The following ATP6V0E1 variants were observed in gnomAD, a reference collection of about 807,000 sequenced individuals.
ATP6V0E1 encodes ATPase H+ transporting V0 subunit e1.
A neutral mutation model predicts 11.6 loss-of-function variants in ATP6V0E1; 4 were observed. The observed-to-expected ratio is 0.35, with a 90% CI of 0.17 to 0.79. The LOEUF (loss-of-function observed/expected upper bound fraction) is 0.79. Ranked by LOEUF, ATP6V0E1 falls within the 30% of genes least tolerant of loss-of-function variation. The pLI is 0.54. For missense variants in ATP6V0E1, 105 were observed against 100.0 expected, an observed-to-expected ratio of 1.05 and a Z score of -0.21; for synonymous variants, 36 against 34.8, an observed-to-expected ratio of 1.04 and a Z score of -0.13.
At chr5:172,997,002 ATAAAC>A (rs1756077021) in intron 2 of ATP6V0E1, among the ~76,000 whole-genome samples, 1 of 152,008 alleles carries the variant, frequency 6.6e-6, no homozygotes, top group African/African-American at 2.4e-5. Flanking sequence ...TCTATTTCAA[ATAAAC>A]TAACAGTTCA....
Position 173,019,275 on chromosome 5 carries a change from G to T in ATP6V0E1, c.153-963G>T, listed in dbSNP as rs116485282. On this transcript the variant is annotated intron_variant, in intron 2 of 3. Transcript: ENST00000519374. ...TTTTTCACTTTTAACCCTGAAGTCG[G>T]CTGGGCGAGGTGGCTCACGTCTGTA... Among the ~76,000 whole-genome samples, 775 of 152,260 alleles carry T rather than the reference G, an allele frequency of 5.1e-3. 5 individuals are homozygous for T. The highest frequency in any genetic ancestry group is 0.017 in the African/African-American group (724 of 41,550).
In ATP6V0E1 at chr5:172,993,119, G is replaced by A. The variant is rs138802337; in HGVS notation, c.105-1656G>A. Among the ~76,000 whole-genome samples, 1,497 of 152,262 alleles carry A rather than the reference G, an allele frequency of 9.8e-3. 17 individuals are homozygous for A. Among genetic ancestry groups the A allele is most frequent in the South Asian group, 0.04 (193 of 4,828 alleles). On this transcript the variant is annotated intron_variant, in intron 1 of 3. Coordinates refer to ENST00000519374, the MANE Select transcript of ATP6V0E1 (RefSeq NM_003945.4). ...GGCCACAAGGCAGTGGTTTTTATCT[G>A]TTTTGTTTCCTGTTCTCTCCTCAGA...
chr5:173,012,543 G>A (rs908814829), intron 2 of ATP6V0E1, among the ~76,000 whole-genome samples: 1 of 150,870 alleles, frequency 6.6e-6, no homozygotes, highest in Non-Finnish European at 1.5e-5. Flanking sequence ...ACCTGAGGTC[G>A]GGATTTTGAG....
intron 2 of ATP6V0E1, among the ~76,000 whole-genome samples, chr5:173,001,952 A>T (rs1387083993): frequency 2.0e-5 from 3 of 152,180 alleles, no homozygotes; most frequent in Non-Finnish European, 4.4e-5. Context: ...TCCTGCCCTC[A>T]GGTGATCCAC....
chr5:173,022,677 C>T (rs1756503603), intron 3 of ATP6V0E1, among the ~76,000 whole-genome samples: 1 of 151,834 alleles, frequency 6.6e-6, no homozygotes, highest in African/African-American at 2.4e-5. Context: ...CTCTGTCACC[C>T]AGCTGGAATG....
chr5:173,030,475 C>G (rs561491014), intron 3 of ATP6V0E1, among the ~76,000 whole-genome samples: 1 of 143,602 alleles, frequency 7.0e-6, no homozygotes, highest in Non-Finnish European at 1.5e-5. Flanking sequence ...GAGTCTCACT[C>G]TGTTGCCCAG....
At chr5:173,008,826 G>C (rs1051916058) in intron 2 of ATP6V0E1, among the ~76,000 whole-genome samples, 4 of 149,076 alleles carry the variant, frequency 2.7e-5, no homozygotes, top group Admixed American at 1.3e-4. Context: ...CAGGAGAATG[G>C]CATGAACCCG....
At chr5:173,017,427 G>A (rs1756417167) in intron 2 of ATP6V0E1, among the ~76,000 whole-genome samples, 1 of 151,690 alleles carries the variant, frequency 6.6e-6, no homozygotes, top group African/African-American at 2.4e-5. Flanking sequence ...CCAACTACTC[G>A]GGAGGCTGAG....
intron 2 of ATP6V0E1, among the ~76,000 whole-genome samples, chr5:172,996,957 T>TC (rs1756076416): frequency 1.3e-5 from 2 of 151,416 alleles, no homozygotes; most frequent in African/African-American, 2.4e-5. Flanking sequence ...TTTTTCTTTT[T>TC]TTTTTTTTCA....
intron 3 of ATP6V0E1, among the ~76,000 whole-genome samples, chr5:173,028,250 C>T (rs1470649536): frequency 8.5e-5 from 13 of 152,194 alleles, no homozygotes; most frequent in Non-Finnish European, 1.9e-4. Flanking sequence ...TTGGAGTTAA[C>T]ACATCAAGAG....
At position 173,009,140 on chromosome 5, in the gene ATP6V0E1, C is replaced by T. The variant is rs541105320; in HGVS notation, c.153-11098C>T. Among the ~76,000 whole-genome samples, 27 of 151,898 alleles carry T rather than the reference C, an allele frequency of 1.8e-4. No individual in the cohort carries two copies. The South Asian group carries it at 3.7e-3, about 21-fold the overall frequency. On this transcript the variant is annotated intron_variant, in intron 2 of 3. Coordinates refer to ENST00000519374, the MANE Select transcript of ATP6V0E1 (RefSeq NM_003945.4). ...ACTCGGGAGGCTGAGGCACAAGGATCGCTTGAACCAGGAAAGCAGAGGTTA... is the reference window on the plus strand; with the variant it reads ...ACTCGGGAGGCTGAGGCACAAGGATTGCTTGAACCAGGAAAGCAGAGGTTA...
At chr5:173,008,072 C>CCGGCCTA (rs1393561879) in intron 2 of ATP6V0E1, among the ~76,000 whole-genome samples, 6 of 152,184 alleles carry the variant, frequency 3.9e-5, no homozygotes, top group African/African-American at 1.4e-4. Context: ...TCCGCGACCT[C>CCGGCCTA]CGGCCTACGC....
intron 3 of ATP6V0E1, among the ~76,000 whole-genome samples, chr5:173,029,169 G>C (rs3812014): frequency 1.3e-5 from 2 of 152,324 alleles, no homozygotes; most frequent in East Asian, 3.9e-4. Flanking sequence ...TGAAGTAGGG[G>C]AAGACTGGGC....
chr5:173,021,490 A>G (rs529605083), intron 3 of ATP6V0E1, among the ~76,000 whole-genome samples: 1 of 152,200 alleles, frequency 6.6e-6, no homozygotes, highest in Non-Finnish European at 1.5e-5. Context: ...CCATGAGAAC[A>G]GTATGGGGGA....
At chr5:172,990,334 T>G (rs1009908777) in intron 1 of ATP6V0E1, among the ~76,000 whole-genome samples, 2 of 152,144 alleles carry the variant, frequency 1.3e-5, no homozygotes, top group Non-Finnish European at 2.9e-5. Context: ...TTTCTCATGA[T>G]TTCCCTCTTT....
chr5:173,016,742 A>C (rs759317511), intron 2 of ATP6V0E1, among the ~76,000 whole-genome samples: 1 of 152,192 alleles, frequency 6.6e-6, no homozygotes. Flanking sequence ...ATTAGCGTCA[A>C]CTGCAGTCAC....
intron 1 of ATP6V0E1, chr5:172,986,815 G>T: frequency 2.4e-6 from 1 of 419,244 alleles, no homozygotes; most frequent in Non-Finnish European, 4.7e-6. Flanking sequence ...TTGAGACAGA[G>T]TCTCACTCTG....
At chr5:173,025,561 A>AGTG (rs1390720668) in intron 3 of ATP6V0E1, among the ~76,000 whole-genome samples, 23 of 111,674 alleles carry the variant, frequency 2.1e-4, no homozygotes. Flanking sequence ...CCCAGGCTGG[A>AGTG]GTGCATCACC....
chr5:173,020,467 G>T, intron 3 of ATP6V0E1, 100 bp downstream of exon 3: 1 of 676,474 alleles, frequency 1.5e-6, no homozygotes, highest in Non-Finnish European at 2.6e-6. Context: ...CGTGGCAAGG[G>T]CAAGCTGCTG....
Sources: gnomAD v4.1 joint callset for allele counts (sites outside exome capture counted in the v4.1 genomes callset) on GRCh38, gnomAD v4.1.1 for gene constraint, MANE v1.5 for transcripts, NCBI Gene and HGNC (gene_info 2026-07-23, HGNC 2026-07-21) for gene names.